The following PCGF5 variants were observed in gnomAD, a reference collection of about 807,000 sequenced individuals.
PCGF5 encodes polycomb group RING finger protein 5.
A neutral mutation model predicts 44.3 loss-of-function variants in PCGF5; 9 were observed. The observed-to-expected ratio is 0.20, with a 90% CI of 0.12 to 0.35. The LOEUF is 0.35. Among genes scored for constraint, PCGF5 ranks in the 10% least tolerant of loss-of-function variants. The pLI is 1.00. For synonymous variants in PCGF5, 95 were observed against 102.5 expected, an observed-to-expected ratio of 0.93 and a Z score of 0.44; for missense variants, 146 against 305.3, an observed-to-expected ratio of 0.48 and a Z score of 3.89.
intron 1 of PCGF5, among the ~76,000 whole-genome samples, chr10:91,168,247 A>G (rs913380964): frequency 2.6e-5 from 4 of 152,140 alleles, no homozygotes; most frequent in South Asian, 2.1e-4. Flanking sequence ...TGTAAAAGCC[A>G]GTATTTGTGG....
intron 5 of PCGF5, among the ~76,000 whole-genome samples, chr10:91,249,632 TG>T (rs1357058889): frequency 6.6e-6 from 1 of 151,784 alleles, no homozygotes; most frequent in Non-Finnish European, 1.5e-5. Flanking sequence ...ATGATTAAGG[TG>T]GATGAGATCT....
At chr10:91,211,202 T>A (rs760406538) in intron 1 of PCGF5, among the ~76,000 whole-genome samples, 1 of 152,248 alleles carries the variant, frequency 6.6e-6, no homozygotes, top group Non-Finnish European at 1.5e-5. Flanking sequence ...AGTCCCTGGC[T>A]GTTTATGCAC....
At chr10:91,162,227 G>A (rs1356837626), upstream of PCGF5, among the ~76,000 whole-genome samples, 5 of 142,096 alleles carry the variant, frequency 3.5e-5, no homozygotes, top group Non-Finnish European at 4.5e-5. Context: ...TGAGAATGAG[G>A]CATTAAGGCT....
At chr10:91,185,099 G>A (rs1188170533) in intron 1 of PCGF5, among the ~76,000 whole-genome samples, 1 of 152,226 alleles carries the variant, frequency 6.6e-6, no homozygotes, top group African/African-American at 2.4e-5. Context: ...CTCCAAGCAT[G>A]AAGCTGGAAC....
intron 3 of PCGF5, among the ~76,000 whole-genome samples, chr10:91,247,777 G>A (rs1417870973): frequency 6.6e-6 from 1 of 152,206 alleles, no homozygotes; most frequent in Non-Finnish European, 1.5e-5. Flanking sequence ...TTCCTTTAGA[G>A]GAAAGAGCCA....
intron 3 of PCGF5, among the ~76,000 whole-genome samples, chr10:91,243,952 T>A (rs1317561760): frequency 1.3e-5 from 2 of 152,210 alleles, no homozygotes; most frequent in Admixed American, 1.3e-4. Context: ...ATGAGGGGAA[T>A]CATTCATTCA....
At chr10:91,175,363 A>C (rs1843686125) in intron 1 of PCGF5, among the ~76,000 whole-genome samples, 1 of 152,178 alleles carries the variant, frequency 6.6e-6, no homozygotes, top group Non-Finnish European at 1.5e-5. Flanking sequence ...GCCCAAACCT[A>C]GGATAGGTAA....
chr10:91,270,493 C>A (rs1423016861), intron 8 of PCGF5, among the ~76,000 whole-genome samples: 1 of 152,050 alleles, frequency 6.6e-6, no homozygotes, highest in Non-Finnish European at 1.5e-5. Flanking sequence ...CTTGGGGACT[C>A]TTTGGAGAGA....
At chr10:91,214,458 A>G (rs995401748) in intron 1 of PCGF5, among the ~76,000 whole-genome samples, 1 of 152,200 alleles carries the variant, frequency 6.6e-6, no homozygotes. Context: ...GGTTGCTACC[A>G]GAAGAAGGGA....
upstream of PCGF5, among the ~76,000 whole-genome samples, chr10:91,219,105 A>G (rs2133267186): frequency 6.6e-6 from 1 of 152,332 alleles, no homozygotes; most frequent in South Asian, 2.1e-4. Flanking sequence ...CACAAAGCAC[A>G]GATTGCCTTA....
chr10:91,268,927 G>T (rs7903610), intron 8 of PCGF5, among the ~76,000 whole-genome samples: 11 of 151,876 alleles, frequency 7.2e-5, no homozygotes, highest in African/African-American at 2.4e-4. Flanking sequence ...TTTTCAGTTC[G>T]TATCAGTATT....
chr10:91,223,081 T>C, intron 2 of PCGF5, 98 bp downstream of exon 2: 1 of 763,070 alleles, frequency 1.3e-6, no homozygotes, highest in Non-Finnish European at 2.2e-6. Flanking sequence ...GTTGTAACTT[T>C]TAAGAAATGA....
intron 2 of PCGF5, among the ~76,000 whole-genome samples, chr10:91,239,727 G>A (rs763081525): frequency 1.3e-5 from 2 of 152,180 alleles, no homozygotes; most frequent in African/African-American, 2.4e-5. Context: ...TGAAAGATGA[G>A]AGAGATTTAT....
intron 1 of PCGF5, among the ~76,000 whole-genome samples, chr10:91,174,138 A>G (rs1034771894): frequency 4.0e-5 from 6 of 151,008 alleles, no homozygotes; most frequent in Non-Finnish European, 5.9e-5. Flanking sequence ...TTGGGCTACA[A>G]CTTGGGCCAC....
chr10:91,249,412 T>TATATAC (rs1845565583), intron 5 of PCGF5, among the ~76,000 whole-genome samples: 2 of 81,528 alleles, frequency 2.5e-5, no homozygotes, highest in Admixed American at 1.5e-4. Context: ...TATATATATA[T>TATATAC]ATATATATGT....
chr10:91,200,539 A>G (rs1844232653), intron 1 of PCGF5, among the ~76,000 whole-genome samples: 1 of 152,270 alleles, frequency 6.6e-6, no homozygotes, highest in East Asian at 1.9e-4. Context: ...TGCATTTGTC[A>G]TTGTTGAGGT....
At chr10:91,263,393 T>C (rs1046416290) in intron 7 of PCGF5, among the ~76,000 whole-genome samples, 1 of 152,196 alleles carries the variant, frequency 6.6e-6, no homozygotes, top group African/African-American at 2.4e-5. Context: ...TCCGTATAAG[T>C]CATCATAAAT....
At position 91,233,661 on chromosome 10, in the gene PCGF5, C is replaced by T. The variant is rs558818758; in HGVS notation, c.113-6823C>T. Among the ~76,000 whole-genome samples the T allele has an allele frequency of 5.3e-5, 8 of 152,238 alleles. No homozygotes were observed. In the South Asian group the frequency reaches 1.7e-3, roughly 32 times the overall value. ...ATTTTTTAAATTAGTGTTAGTTTCA[C>T]GTGTAAGAATAGGTATCAAAAGCAG... On this transcript the variant is annotated intron_variant, in intron 2 of 9. Transcript: ENST00000336126.
intron 7 of PCGF5, among the ~76,000 whole-genome samples, chr10:91,263,315 T>C (rs138906912): frequency 6.6e-6 from 1 of 152,002 alleles, no homozygotes; most frequent in Non-Finnish European, 1.5e-5. Flanking sequence ...ACAAAAAAGA[T>C]AAAAATGAAA....
Sources: gnomAD v4.1 joint callset for allele counts (sites outside exome capture counted in the v4.1 genomes callset) on GRCh38, gnomAD v4.1.1 for gene constraint, MANE v1.5 for transcripts, NCBI Gene and HGNC (gene_info 2026-07-23, HGNC 2026-07-21) for gene names.